DPY19L4: variants seen among roughly 807,000 people sequenced by gnomAD.
DPY19L4 encodes dpy-19 like 4.
DPY19L4 carries 97 observed loss-of-function variants against 102.8 expected under a neutral mutation model. The observed-to-expected ratio is 0.94, with a 90% CI of 0.80 to 1.12. The LOEUF (loss-of-function observed/expected upper bound fraction) is 1.12, where lower values mean the gene tolerates loss of function less well. Ranked by LOEUF, DPY19L4 falls within the 50% of genes most tolerant of loss-of-function variation. The probability of loss-of-function intolerance (pLI) is 0.00; values close to 1 mark genes in which losing one functional copy is unlikely to be tolerated. For missense variants in DPY19L4, 815 were observed against 850.4 expected, an observed-to-expected ratio of 0.96 and a Z score of 0.52; for synonymous variants, 252 against 283.1, an observed-to-expected ratio of 0.89 and a Z score of 1.10.
intron 7 of DPY19L4, among the ~76,000 whole-genome samples, chr8:94,756,562 C>T (rs924224956): frequency 1.3e-5 from 2 of 152,174 alleles, no homozygotes; most frequent in African/African-American, 4.8e-5. Context: ...TGAATGGCAG[C>T]ACTGCGTATT....
intron 6 of DPY19L4, among the ~76,000 whole-genome samples, chr8:94,741,611 C>G (rs1353410437): frequency 6.6e-6 from 1 of 152,156 alleles, no homozygotes; most frequent in South Asian, 2.1e-4. Flanking sequence ...AAGCATCTTT[C>G]TGTACTTATG....
At position 94,765,784 on chromosome 8, in the gene DPY19L4, C is replaced by T; in HGVS notation, c.1076C>T (p.Thr359Ile). 4 of 1,577,136 alleles carry T rather than the reference C, an allele frequency of 2.5e-6. No individual in the cohort carries two copies. Among genetic ancestry groups the T allele is most frequent in the African/African-American group, 1.4e-5 (1 of 73,948 alleles). The change falls in exon 10 of 19, where the codon ACA (threonine) becomes ATA (isoleucine). Residue 359 changes from threonine to isoleucine, a missense_variant. Thr to Ile is a moderately conservative substitution (Grantham distance 89). Coordinates refer to ENST00000414645, the MANE Select transcript of DPY19L4 (RefSeq NM_181787.3). ...VINFYLVCTL[T>I]ITLNIIMKMF... ...AATTTTTACTTGGTGTGTACTCTGA[C>T]AATAACATTGAATATTATAATGAAG...
chr8:94,771,294 A>T (rs1199451844), intron 13 of DPY19L4, among the ~76,000 whole-genome samples: 1 of 152,216 alleles, frequency 6.6e-6, no homozygotes, highest in African/African-American at 2.4e-5. Flanking sequence ...CAAAACCTAT[A>T]AACTTTCTTA....
chr8:94,793,070 T>C lies in DPY19L4; in HGVS notation c.*3160T>C, dbSNP rs1464522464. ...AGAACCTAAGGAGTATGCATTGTAC[T>C]TCAGTGCTAACTTTTTTCTTCATTT... On this transcript the variant is annotated 3_prime_UTR_variant, in exon 19 of 19. Coordinates refer to ENST00000414645, the MANE Select transcript of DPY19L4 (RefSeq NM_181787.3). 1 of 152,232 alleles carries C rather than the reference T, an allele frequency of 6.6e-6. No homozygotes were observed. Among genetic ancestry groups the C allele is most frequent in the Non-Finnish European group, 1.5e-5 (1 of 68,036 alleles). The allele number at this position is 152,232 out of a possible 1,614,324, so 9.4% of individuals were successfully genotyped here.
chr8:94,725,667 G>C (rs900977830), intron 1 of DPY19L4, among the ~76,000 whole-genome samples: 69 of 152,032 alleles, frequency 4.5e-4, no homozygotes, highest in African/African-American at 1.6e-3. Flanking sequence ...ATAGAGTCTC[G>C]CTCTGTCGCC....
At chr8:94,741,130 A>G (rs562033226) in intron 6 of DPY19L4, among the ~76,000 whole-genome samples, 9 of 152,302 alleles carry the variant, frequency 5.9e-5, no homozygotes, top group African/African-American at 1.9e-4. Flanking sequence ...GGTAGATTAT[A>G]TATTTTTCAT....
chr8:94,752,638 A>G (rs1482888080), intron 6 of DPY19L4, among the ~76,000 whole-genome samples: 2 of 145,294 alleles, frequency 1.4e-5, no homozygotes, highest in Non-Finnish European at 1.5e-5. Context: ...GCCTCGCTAA[A>G]TTCATTTATT....
At chr8:94,757,600 G>A (rs963105553) in intron 7 of DPY19L4, among the ~76,000 whole-genome samples, 6 of 151,970 alleles carry the variant, frequency 3.9e-5, no homozygotes, top group African/African-American at 1.5e-4. Flanking sequence ...AGTAGAGACG[G>A]GGTATCACTA....
In DPY19L4 at chr8:94,770,578, G is replaced by A. The variant is rs762357085; in HGVS notation, c.1454+7G>A. The A allele has an allele frequency of 1.2e-5, 19 of 1,612,392 alleles. No individual in the cohort carries two copies. The African/African-American group carries it at 2.5e-4, about 22-fold the overall frequency. On this transcript the variant is annotated splice_region_variant and intron_variant, in intron 13 of 18. Coordinates refer to ENST00000414645, the MANE Select transcript of DPY19L4 (RefSeq NM_181787.3). ...TTGCAATGGTTATAGAAGGGTAAGT[G>A]TACTTTATTTGATCCCTTTGTTTTA...
chr8:94,731,916 C>T (rs1293727571), intron 2 of DPY19L4, among the ~76,000 whole-genome samples: 6 of 151,926 alleles, frequency 3.9e-5, no homozygotes, highest in Non-Finnish European at 8.8e-5. Flanking sequence ...TACAGGTGCC[C>T]GCCACCACAC....
chr8:94,732,835 A>C (rs1001239108), intron 2 of DPY19L4, among the ~76,000 whole-genome samples: 5 of 142,658 alleles, frequency 3.5e-5, no homozygotes, highest in Non-Finnish European at 6.1e-5. Flanking sequence ...TTTTGAGACA[A>C]GATCTGGCTG....
At chr8:94,737,667 C>G (rs887113518) in intron 3 of DPY19L4, among the ~76,000 whole-genome samples, 1 of 151,692 alleles carries the variant, frequency 6.6e-6, no homozygotes, top group African/African-American at 2.4e-5. Context: ...CCTGTAGTCC[C>G]AGCTACTTGG....
intron 1 of DPY19L4, among the ~76,000 whole-genome samples, chr8:94,725,383 G>T (rs1810642955): frequency 6.6e-6 from 1 of 152,162 alleles, no homozygotes; most frequent in Admixed American, 6.5e-5. Flanking sequence ...GTTCATCTTG[G>T]AGTTTAGTTT....
intron 6 of DPY19L4, among the ~76,000 whole-genome samples, chr8:94,745,593 C>T (rs143662126): frequency 1.1e-4 from 16 of 152,168 alleles, no homozygotes; most frequent in African/African-American, 3.6e-4. Flanking sequence ...GATACTGATT[C>T]TGTGGTGATG....
intron 7 of DPY19L4, among the ~76,000 whole-genome samples, chr8:94,757,708 C>T (rs1563595346): frequency 6.6e-6 from 1 of 152,048 alleles, no homozygotes; most frequent in Non-Finnish European, 1.5e-5. Context: ...CTGCGCCTGG[C>T]CAAGAGTATA....
At chr8:94,748,519 C>G (rs555922883) in intron 6 of DPY19L4, among the ~76,000 whole-genome samples, 20 of 152,110 alleles carry the variant, frequency 1.3e-4, no homozygotes, top group Non-Finnish European at 2.6e-4. Flanking sequence ...ATCTTTAGAA[C>G]AGGGATTCCC....
chr8:94,741,346 A>G (rs1373081862), intron 6 of DPY19L4, among the ~76,000 whole-genome samples: 2 of 152,186 alleles, frequency 1.3e-5, no homozygotes, highest in African/African-American at 4.8e-5. Flanking sequence ...TTGTAACACC[A>G]GTTTGTAACC....
intron 9 of DPY19L4, 62 bp from the exon 10 acceptor site, chr8:94,765,649 C>A: frequency 7.8e-7 from 1 of 1,277,332 alleles, no homozygotes; most frequent in Non-Finnish European, 1.1e-6. Context: ...CTTATGATTA[C>A]TTTTTAAATT....
In DPY19L4 at chr8:94,739,767, T is replaced by C. The variant is rs138410439; in HGVS notation, c.588T>C (p.Thr196=). ...GAACATGGCTAGCAGGAATGCTTACTGTTGCGTGGTTCGTTATTAACAGGT... is the reference window on the plus strand; with the variant it reads ...GAACATGGCTAGCAGGAATGCTTACCGTTGCGTGGTTCGTTATTAACAGGT... ...MSGTWLAGML[T]VAWFVINRVD... is the part of the protein sequence containing the mutation. The change falls in exon 6 of 19, where the codon ACT becomes ACC. Residue 196 remains threonine, a synonymous_variant. Transcript: ENST00000414645. 16 of 1,612,550 alleles carry C rather than the reference T, an allele frequency of 9.9e-6. No individual in the cohort carries two copies. Among genetic ancestry groups the C allele is most frequent in the East Asian group, 2.2e-5 (1 of 44,882 alleles).
Sources: allele counts gnomAD v4.1 joint callset (sites outside exome capture counted in the v4.1 genomes callset), GRCh38; gene constraint gnomAD v4.1.1; transcripts MANE v1.5; gene names NCBI Gene and HGNC (gene_info 2026-07-23, HGNC 2026-07-21).